COL13A1: variants seen among roughly 807,000 people sequenced by gnomAD.
The protein encoded by COL13A1 is collagen alpha-1(XIII) chain.
A neutral mutation model predicts 130.9 loss-of-function variants in COL13A1; 89 were observed. That is an observed-to-expected ratio of 0.68 (90% CI 0.57 to 0.81). The LOEUF (loss-of-function observed/expected upper bound fraction) is 0.81. Among genes scored for constraint, COL13A1 ranks in the 30% least tolerant of loss-of-function variants. The pLI is 0.00. For missense variants in COL13A1, 879 were observed against 934.6 expected (o/e 0.94, Z 0.78); for synonymous variants, 402 against 341.6 (o/e 1.18, Z -1.95).
intron 2 of COL13A1, among the ~76,000 whole-genome samples, chr10:69,828,211 C>T (rs1847970920): frequency 6.6e-6 from 1 of 152,114 alleles, no homozygotes; most frequent in African/African-American, 2.4e-5. Flanking sequence ...TATTCAGACT[C>T]CCCCTTGTTC....
At chr10:69,873,487 G>A (rs911763169) in intron 4 of COL13A1, among the ~76,000 whole-genome samples, 3 of 152,166 alleles carry the variant, frequency 2.0e-5, no homozygotes, top group Non-Finnish European at 4.4e-5. Context: ...CCTTTAAAAA[G>A]CATTTAGGGG....
chr10:69,802,315 G>A lies in COL13A1; in HGVS notation c.-109G>A, dbSNP rs1840213057. On this transcript the variant is annotated 5_prime_UTR_variant, in exon 1 of 41. Transcript: ENST00000645393. ...GCAGCGGAAAGGGACGTTTTCCAGC[G>A]ATACAAGCCCTTTCCCCCTGCCCCG... 1 of 1,227,268 alleles carries A rather than the reference G, an allele frequency of 8.1e-7. No homozygotes were observed. The highest frequency in any genetic ancestry group is 1.1e-6 in the Non-Finnish European group (1 of 951,846). 76.0% of individuals were successfully genotyped at this position (1,227,268 alleles called of 1,614,324 possible).
chr10:69,853,659 C>T (rs2133610864), intron 2 of COL13A1, among the ~76,000 whole-genome samples: 1 of 152,304 alleles, frequency 6.6e-6, no homozygotes, highest in African/African-American at 2.4e-5. Flanking sequence ...ATAAAAAACA[C>T]AGAAACTTCG....
intron 2 of COL13A1, among the ~76,000 whole-genome samples, chr10:69,830,320 G>C (rs1422624711): frequency 6.6e-6 from 1 of 152,194 alleles, no homozygotes; most frequent in Non-Finnish European, 1.5e-5. Flanking sequence ...GAAAAGAAAA[G>C]CCTAAATATT....
rs2059767219 is a variant in COL13A1, at chr10:69,877,963, G to A, written c.436-76G>A. On this transcript the variant is annotated intron_variant, in intron 5 of 40. Transcript: ENST00000645393. Reference sequence around the variant, plus strand: ...TATGAACATGGATTCTCGTGTGGGTGCCTCTTTCTCATCCCCTCTTTTTTC... The same window carrying A: ...TATGAACATGGATTCTCGTGTGGGTACCTCTTTCTCATCCCCTCTTTTTTC... The A allele has an allele frequency of 1.3e-5, 9 of 691,466 alleles. No individual in the cohort carries two copies. The South Asian group carries it at 1.3e-4, about 10-fold the overall frequency. 42.8% of individuals were successfully genotyped at this position (691,466 alleles called of 1,614,324 possible).
chr10:69,895,060 C>T (rs2061509009), intron 12 of COL13A1, among the ~76,000 whole-genome samples: 1 of 152,226 alleles, frequency 6.6e-6, no homozygotes, highest in Non-Finnish European at 1.5e-5. Context: ...CTGGCCTGGC[C>T]TCCTGCCCTC....
At chr10:69,911,561 G>T (rs61286376) in intron 17 of COL13A1, among the ~76,000 whole-genome samples, 2 of 152,202 alleles carry the variant, frequency 1.3e-5, no homozygotes, top group East Asian at 3.9e-4. Context: ...AGCCCTGGGG[G>T]ACCCCATGAT....
chr10:69,893,251 CA>C (rs2134744749), intron 10 of COL13A1, among the ~76,000 whole-genome samples: 1 of 152,334 alleles, frequency 6.6e-6, no homozygotes, highest in East Asian at 1.9e-4. Flanking sequence ...ATTTGTGAGG[CA>C]GAGGTGGGAG....
At chr10:69,925,031 TCA>T in intron 25 of COL13A1, 24 bp downstream of exon 25, 1 of 1,540,200 alleles carries the variant, frequency 6.5e-7, no homozygotes, top group Non-Finnish European at 8.7e-7. Context: ...CCTCCTGGAG[TCA>T]CAGCGTGAAG....
intron 38 of COL13A1, among the ~76,000 whole-genome samples, chr10:69,949,730 C>T (rs1356825920): frequency 3.3e-5 from 5 of 152,214 alleles, no homozygotes; most frequent in South Asian, 2.1e-4. Flanking sequence ...GAATTTGGCC[C>T]GGGAGCCACC....
At chr10:69,887,155 T>C (rs1389312064) in intron 7 of COL13A1, among the ~76,000 whole-genome samples, 2 of 152,188 alleles carry the variant, frequency 1.3e-5, no homozygotes, top group Non-Finnish European at 1.5e-5. Context: ...ATGCGTTTGT[T>C]TACAAGCCAT....
chr10:69,923,750 A>C, intron 23 of COL13A1, 52 bp from the exon 24 acceptor site: 10 of 1,581,180 alleles, frequency 6.3e-6, no homozygotes, highest in Non-Finnish European at 8.6e-6. Flanking sequence ...CCTCATAAGC[A>C]GCTGTCCAGG....
At chr10:69,908,181 A>G (rs1469553633) in intron 17 of COL13A1, among the ~76,000 whole-genome samples, 1 of 152,218 alleles carries the variant, frequency 6.6e-6, no homozygotes, top group Non-Finnish European at 1.5e-5. Flanking sequence ...AGGGGCAGAA[A>G]TGTTGGGAAG....
chr10:69,951,049 A>C (rs1179467250), intron 38 of COL13A1, among the ~76,000 whole-genome samples: 1 of 152,010 alleles, frequency 6.6e-6, no homozygotes, highest in Non-Finnish European at 1.5e-5. Context: ...GGGTTTTGCC[A>C]TGTTGGCCAG....
chr10:69,889,384 C>T (rs958948717), intron 9 of COL13A1, 30 bp from the exon 10 acceptor site: 1 of 1,606,028 alleles, frequency 6.2e-7, no homozygotes, highest in Non-Finnish European at 8.5e-7. Context: ...GCGAACAGTG[C>T]ACCTGGTACT....
intron 2 of COL13A1, among the ~76,000 whole-genome samples, chr10:69,837,554 A>G (rs532309852): frequency 3.9e-5 from 6 of 152,342 alleles, no homozygotes; most frequent in African/African-American, 1.4e-4. Flanking sequence ...CCCTGAAGCC[A>G]CCACCCACCA....
chr10:69,902,787 C>T lies in COL13A1; in HGVS notation c.790C>T (p.Pro264Ser), dbSNP rs2062338043. 6.4e-7 allele frequency: 1 copy of T among 1,552,936 alleles called. No homozygotes were observed. Among genetic ancestry groups the T allele is most frequent in the Non-Finnish European group, 8.7e-7 (1 of 1,148,012 alleles). Residue 264 changes from proline (P) to serine (S), a missense_variant, in exon 15 of 41, where the codon CCC (proline) becomes TCC (serine). Pro to Ser is a moderately conservative substitution (Grantham distance 74). Transcript: ENST00000645393. The part of the protein sequence containing the change: ...SQASIQGPPG[P>S]PGPPGPSGPL... ...GGCCAGCATCCAAGGTCCACCAGGG[C>T]CCCCAGGCCCCCCTGGACCAAGTGG...
At chr10:69,949,088 C>T (rs1156885680) in intron 38 of COL13A1, among the ~76,000 whole-genome samples, 5 of 152,224 alleles carry the variant, frequency 3.3e-5, no homozygotes, top group African/African-American at 9.6e-5. Flanking sequence ...AGGTTTCCAA[C>T]TCAAGGGCAG....
At chr10:69,848,490 A>G (rs778615324) in intron 2 of COL13A1, among the ~76,000 whole-genome samples, 1 of 152,192 alleles carries the variant, frequency 6.6e-6, no homozygotes, top group East Asian at 1.9e-4. Flanking sequence ...AGTTGCTGGG[A>G]TCTGAACCTA....
Sources: allele counts gnomAD v4.1 joint callset (sites outside exome capture counted in the v4.1 genomes callset), GRCh38; gene constraint gnomAD v4.1.1; transcripts MANE v1.5; gene names NCBI Gene and HGNC (gene_info 2026-07-23, HGNC 2026-07-21).